OSMR: variants seen among roughly 807,000 people sequenced by gnomAD.
OSMR encodes oncostatin-M-specific receptor subunit beta.
A neutral mutation model predicts 99.9 loss-of-function variants in OSMR; 81 were observed. The observed-to-expected ratio is 0.81, with a 90% CI of 0.68 to 0.97. OSMR has a LOEUF of 0.97. OSMR is among the 50% of genes least tolerant of loss of function. The probability of loss-of-function intolerance (pLI) is 0.00; values close to 1 mark genes in which losing one functional copy is unlikely to be tolerated. For synonymous variants in OSMR, 406 were observed against 410.4 expected (o/e 0.99, Z 0.13); for missense variants, 1,099 against 1,153.4 (o/e 0.95, Z 0.68).
downstream of OSMR, chr5:38,945,361 G>T: frequency 1.5e-6 from 1 of 650,952 alleles, no homozygotes. Flanking sequence ...ACATAATTTG[G>T]CATATCAGTG....
intron 7 of OSMR, among the ~76,000 whole-genome samples, chr5:38,891,437 T>C (rs975805866): frequency 1.3e-5 from 2 of 152,184 alleles, no homozygotes; most frequent in African/African-American, 4.8e-5. Context: ...AAGTGGATTG[T>C]CTGAGACCTC....
At chr5:38,928,531 T>G (rs1224644396) in intron 15 of OSMR, among the ~76,000 whole-genome samples, 1 of 152,036 alleles carries the variant, frequency 6.6e-6, no homozygotes, top group East Asian at 1.9e-4. Flanking sequence ...GAAAAGCCCC[T>G]TATAAAACCA....
In OSMR at chr5:38,918,923, G is replaced by C. The variant is rs1427888275; in HGVS notation, c.1446G>C (p.Glu482Asp). The change falls in exon 11 of 18, where the codon GAG becomes GAC. Residue 482 changes from glutamate to aspartate, a missense_variant. Physicochemically the swap from Glu to Asp is conservative, Grantham distance 45. Coordinates refer to ENST00000274276, the MANE Select transcript of OSMR (RefSeq NM_003999.3). The part of the protein sequence containing the change: ...VENLDKPSSS[E>D]LHSIPAPANS... ...ACCTAGACAAACCATCCAGTTCAGAGCTCCATTCCATTCCAGCACCAGCCA... is the reference window on the plus strand; with the variant it reads ...ACCTAGACAAACCATCCAGTTCAGACCTCCATTCCATTCCAGCACCAGCCA... 1 of 1,613,852 alleles carries C rather than the reference G, an allele frequency of 6.2e-7. No homozygotes were observed. Among genetic ancestry groups the C allele is most frequent in the East Asian group, 2.2e-5 (1 of 44,888 alleles).
In OSMR at chr5:38,942,502, G is replaced by A. The variant is rs560992524; in HGVS notation, c.75-1699G>A. 655 of 491,722 alleles carry A rather than the reference G, an allele frequency of 1.3e-3. 3 individuals are homozygous for A. Among genetic ancestry groups the A allele is most frequent in the African/African-American group, 0.012 (595 of 50,398 alleles). 30.5% of individuals were successfully genotyped at this position (491,722 alleles called of 1,614,324 possible). ...TCTTGCTCAGTCTTCCCAGGATGCA[G>A]CACAATGTTGCCATCTTTGTTCATT... On this transcript the variant is annotated intron_variant and NMD_transcript_variant, in intron 1 of 2. Coordinates refer to the OSMR transcript ENST00000508882.
At chr5:38,922,699 A>G (rs1156919296) in intron 12 of OSMR, among the ~76,000 whole-genome samples, 1 of 152,170 alleles carries the variant, frequency 6.6e-6, no homozygotes, top group East Asian at 1.9e-4. Flanking sequence ...TCATGGAAGG[A>G]GGGAATATCG....
intron 9 of OSMR, among the ~76,000 whole-genome samples, chr5:38,908,770 C>T (rs184263430): frequency 6.6e-6 from 1 of 152,270 alleles, no homozygotes; most frequent in East Asian, 1.9e-4. Context: ...AAAACAAAAA[C>T]CCATCCAAAG....
At chr5:38,929,175 G>A (rs1281884662) in intron 15 of OSMR, among the ~76,000 whole-genome samples, 1 of 152,072 alleles carries the variant, frequency 6.6e-6, no homozygotes, top group Non-Finnish European at 1.5e-5. Flanking sequence ...GCTACAATGA[G>A]GCTAGGATGA....
At chr5:38,849,884 G>T (rs1334781647) in intron 1 of OSMR, among the ~76,000 whole-genome samples, 1 of 152,148 alleles carries the variant, frequency 6.6e-6, no homozygotes, top group African/African-American at 2.4e-5. Context: ...TAGCGCTGTT[G>T]TGAGGATTCA....
chr5:38,886,986 C>CT (rs1460196618), intron 7 of OSMR, among the ~76,000 whole-genome samples: 1 of 152,200 alleles, frequency 6.6e-6, no homozygotes, highest in African/African-American at 2.4e-5. Flanking sequence ...GGTATTGGCA[C>CT]TTTTTTGTAT....
At chr5:38,905,908 G>A (rs764824003) in intron 9 of OSMR, among the ~76,000 whole-genome samples, 14 of 152,180 alleles carry the variant, frequency 9.2e-5, no homozygotes, top group African/African-American at 2.4e-5. Context: ...CCATTTTAAA[G>A]CAGTGACTCT....
At chr5:38,871,251 C>T (rs1742367206) in intron 2 of OSMR, among the ~76,000 whole-genome samples, 1 of 152,226 alleles carries the variant, frequency 6.6e-6, no homozygotes, top group Non-Finnish European at 1.5e-5. Context: ...GTGCCTTCTA[C>T]ATACAAGCCA....
Position 38,944,738 on chromosome 5 carries a change from C to G in OSMR, c.*87-208C>G, listed in dbSNP as rs568612129. Reference sequence around the variant, plus strand: ...AATAAAAGCAGATAGCTAAGAGGCTCTATGTCAGTGGGTGATATAGGTGCA... The same window carrying G: ...AATAAAAGCAGATAGCTAAGAGGCTGTATGTCAGTGGGTGATATAGGTGCA... On this transcript the variant is annotated intron_variant and NMD_transcript_variant, in intron 2 of 2. Coordinates refer to the OSMR transcript ENST00000508882. Among the ~76,000 whole-genome samples, 11 of 152,264 alleles carry G rather than the reference C, an allele frequency of 7.2e-5. No individual in the cohort carries two copies. In the South Asian group the frequency reaches 2.3e-3, roughly 32 times the overall value.
At chr5:38,904,530 C>G (rs369059470) in intron 9 of OSMR, 27 bp downstream of exon 9, 2 of 1,613,886 alleles carry the variant, frequency 1.2e-6, no homozygotes, top group Non-Finnish European at 1.7e-6. Flanking sequence ...GCATTTAACC[C>G]AAAGAAGTAG....
intron 4 of OSMR, among the ~76,000 whole-genome samples, chr5:38,882,543 C>T (rs1295742827): frequency 6.6e-6 from 1 of 152,010 alleles, no homozygotes; most frequent in Non-Finnish European, 1.5e-5. Flanking sequence ...CCACTGTACT[C>T]CAGCCTGGGC....
At chr5:38,862,202 G>A (rs1223190844) in intron 1 of OSMR, among the ~76,000 whole-genome samples, 2 of 116,548 alleles carry the variant, frequency 1.7e-5, no homozygotes, top group African/African-American at 3.3e-5. Context: ...CCGGGCAGAG[G>A]CGCCCCTCAC....
At chr5:38,861,773 G>C (rs549126335) in intron 1 of OSMR, among the ~76,000 whole-genome samples, 1 of 150,004 alleles carries the variant, frequency 6.7e-6, no homozygotes, top group East Asian at 2.0e-4. Flanking sequence ...CCTCCTGGAC[G>C]GGGCGGCTGG....
intron 1 of OSMR, among the ~76,000 whole-genome samples, chr5:38,865,767 G>A (rs1741890299): frequency 6.6e-6 from 1 of 151,698 alleles, no homozygotes; most frequent in South Asian, 2.1e-4. Flanking sequence ...AGCAGTGGCA[G>A]TGGTAGGCCA....
At chr5:38,895,760 TC>T (rs1316269624) in intron 7 of OSMR, among the ~76,000 whole-genome samples, 1 of 152,106 alleles carries the variant, frequency 6.6e-6, no homozygotes, top group African/African-American at 2.4e-5. Context: ...CCCAATGTTT[TC>T]TTGTAGTAGT....
intron 7 of OSMR, among the ~76,000 whole-genome samples, chr5:38,902,417 C>T (rs1013586813): frequency 1.3e-5 from 2 of 152,224 alleles, no homozygotes; most frequent in African/African-American, 4.8e-5. Context: ...CTGCCCACAA[C>T]CAGATAAGCA....
Sources: gnomAD v4.1 joint callset for allele counts (sites outside exome capture counted in the v4.1 genomes callset) on GRCh38, gnomAD v4.1.1 for gene constraint, MANE v1.5 for transcripts, NCBI Gene and HGNC (gene_info 2026-07-23, HGNC 2026-07-21) for gene names.